RAB37: variants seen among roughly 807,000 people sequenced by gnomAD.
The protein encoded by RAB37 is RAB37, member RAS oncogene family, also known as ras-related protein Rab-37.
In RAB37, 29 loss-of-function variants were observed where a neutral mutation model predicts 33.1. The ratio of observed to expected loss-of-function variants is 0.88; its 90% confidence interval spans 0.65 to 1.20. The LOEUF is 1.20. RAB37 is among the 50% of genes most tolerant of loss of function. The pLI is 0.00. For synonymous variants in RAB37, 128 were observed against 119.5 expected (o/e 1.07, Z -0.47); for missense variants, 299 against 301.1 (o/e 0.99, Z 0.05).
chr17:74,675,243 T>C (rs992213002), intron 1 of RAB37, among the ~76,000 whole-genome samples: 7 of 152,094 alleles, frequency 4.6e-5, no homozygotes, highest in African/African-American at 1.7e-4. Flanking sequence ...GAGACCATCC[T>C]GGCCAACATG....
chr17:74,715,864 C>T (rs577447282), intron 1 of RAB37, among the ~76,000 whole-genome samples: 8 of 152,180 alleles, frequency 5.3e-5, no homozygotes, highest in African/African-American at 1.9e-4. Flanking sequence ...CCCATCTCTA[C>T]TAAAAAATAC....
intron 1 of RAB37, among the ~76,000 whole-genome samples, chr17:74,701,287 G>A (rs1219326749): frequency 2.6e-5 from 4 of 152,114 alleles, no homozygotes; most frequent in South Asian, 2.1e-4. Context: ...TAAGTACCTC[G>A]AGGGCAGGCA....
chr17:74,740,473 C>G (rs995858308), intron 1 of RAB37, among the ~76,000 whole-genome samples: 1 of 152,158 alleles, frequency 6.6e-6, no homozygotes, highest in African/African-American at 2.4e-5. Context: ...TGGTGGTTCT[C>G]TGGGGCCACA....
At chr17:74,683,669 T>C (rs1409861101) in intron 1 of RAB37, among the ~76,000 whole-genome samples, 2 of 152,230 alleles carry the variant, frequency 1.3e-5, no homozygotes, top group African/African-American at 2.4e-5. Flanking sequence ...TAAAAACCCC[T>C]GCAAGGTCTG....
At chr17:74,711,545 T>C (rs1235928507) in intron 1 of RAB37, among the ~76,000 whole-genome samples, 1 of 152,166 alleles carries the variant, frequency 6.6e-6, no homozygotes, top group African/African-American at 2.4e-5. Context: ...CAAGACCTTT[T>C]CTCCAATCTG....
At position 74,676,298 on chromosome 17, in the gene RAB37, C is replaced by A. The variant is rs553532252; in HGVS notation, c.72+4640C>A. Reference sequence around the variant, plus strand: ...CATACCAGACTAGCTTCCAGAGGGACGAACAATTCCTAGGACAAAGTCAGT... The same window carrying A: ...CATACCAGACTAGCTTCCAGAGGGAAGAACAATTCCTAGGACAAAGTCAGT... On this transcript the variant is annotated intron_variant, in intron 1 of 7. Transcript: ENST00000340415. The surrounding 1 kb of genome is among the most constrained non-coding windows in gnomAD (Gnocchi z 4.1). Among the ~76,000 whole-genome samples the A allele has an allele frequency of 6.6e-6, 1 of 151,998 alleles. No homozygotes were observed. Among genetic ancestry groups the A allele is most frequent in the Non-Finnish European group, 1.5e-5 (1 of 67,998 alleles).
chr17:74,712,718 C>A, intron 1 of RAB37: 1 of 1,157,680 alleles, frequency 8.6e-7, no homozygotes, highest in Non-Finnish European at 1.3e-6. Flanking sequence ...ACGCACAAGG[C>A]TCATGCCATT....
At chr17:74,735,018 G>GAAGGAAGGAAGGAAGGAAGGAAGA (rs1207905817), upstream of RAB37, among the ~76,000 whole-genome samples, 2 of 82,260 alleles carry the variant, frequency 2.4e-5, no homozygotes, top group African/African-American at 8.8e-5. Flanking sequence ...AGGAAGGAAG[G>GAAGGAAGGAAGGAAGGAAGGAAGA]AAGAAAGAAA....
upstream of RAB37, among the ~76,000 whole-genome samples, chr17:74,735,164 A>AAGGAAGGAAGGGAGGGAGGG (rs1443691995): frequency 2.7e-4 from 38 of 140,538 alleles, no homozygotes; most frequent in African/African-American, 7.9e-4. Flanking sequence ...AGAAGGAAAG[A>AAGGAAGGAAGGGAGGGAGGG]AGGAAGGAAG....
chr17:74,729,514 G>A lies in RAB37; in HGVS notation c.183+148G>A. On this transcript the variant is annotated intron_variant, in intron 2 of 7. Coordinates refer to the RAB37 transcript ENST00000340415. This position sits in a 1 kb window ranked among gnomAD's most constrained non-coding sequence, Gnocchi z 4.2. ...AGACTGTTCCCCAAGGTGTAGGAGGGTGTTGGGTGACCAGGAGGGAGGGTA... is the reference window on the plus strand; with the variant it reads ...AGACTGTTCCCCAAGGTGTAGGAGGATGTTGGGTGACCAGGAGGGAGGGTA... The A allele has an allele frequency of 1.5e-6, 1 of 675,686 alleles. No individual in the cohort carries two copies. Among genetic ancestry groups the A allele is most frequent in the Non-Finnish European group, 2.7e-6 (1 of 370,374 alleles). 41.9% of individuals were successfully genotyped at this position (675,686 alleles called of 1,614,324 possible). A position where few individuals can be genotyped will look rare whatever the true frequency, so the allele number is the denominator to read the frequency against.
chr17:74,683,865 C>T (rs574420552), intron 1 of RAB37, among the ~76,000 whole-genome samples: 1 of 152,072 alleles, frequency 6.6e-6, no homozygotes, highest in Admixed American at 6.5e-5. Flanking sequence ...GTGGTTGCGT[C>T]CCCAGGACAG....
chr17:74,736,150 T>C (rs1358156452), upstream of RAB37, among the ~76,000 whole-genome samples: 1 of 151,672 alleles, frequency 6.6e-6, no homozygotes, highest in Admixed American at 6.6e-5. Flanking sequence ...GAAGCAAAGG[T>C]TGCAGTGAGG....
chr17:74,717,757 C>T (rs1449471739), intron 1 of RAB37, among the ~76,000 whole-genome samples: 1 of 146,078 alleles, frequency 6.8e-6, no homozygotes, highest in Non-Finnish European at 1.5e-5. Context: ...TGTGGTGAGC[C>T]AAGATCGTAC....
chr17:74,689,146 AAATT>A (rs2032112458), intron 1 of RAB37, among the ~76,000 whole-genome samples: 1 of 152,130 alleles, frequency 6.6e-6, no homozygotes, highest in Non-Finnish European at 1.5e-5. Flanking sequence ...TAAAAATACA[AAATT>A]AACCAGGTGT....
intron 1 of RAB37, among the ~76,000 whole-genome samples, chr17:74,718,805 G>C (rs1352092431): frequency 6.6e-6 from 1 of 152,186 alleles, no homozygotes; most frequent in African/African-American, 2.4e-5. Context: ...TTAAATATAT[G>C]TGTGTGTATC....
rs2031710118 is a variant in RAB37 at position 74,671,698 on chromosome 17, G to T, written c.72+40G>T. ...TATTCCTCAACCTAACGTTGGAAGA[G>T]GCGCCAGCACCAGGAGTTTTCTCCA... On this transcript the variant is annotated intron_variant, in intron 1 of 7. Coordinates refer to the RAB37 transcript ENST00000340415. This position sits in a 1 kb window ranked among gnomAD's most constrained non-coding sequence, Gnocchi z 5.0. 1 of 1,588,806 alleles carries T rather than the reference G, an allele frequency of 6.3e-7. No homozygotes were observed. Among genetic ancestry groups the T allele is most frequent in the East Asian group, 2.2e-5 (1 of 44,766 alleles).
Position 74,742,446 on chromosome 17 carries a change from C to T in RAB37, c.246+151C>T. The T allele has an allele frequency of 3.2e-6, 2 of 625,694 alleles. No individual in the cohort carries two copies. The highest frequency in any genetic ancestry group is 5.6e-6 in the Non-Finnish European group (2 of 355,124). The allele number at this position is 625,694 out of a possible 1,614,324, so 38.8% of individuals were successfully genotyped here. A position where few individuals can be genotyped will look rare whatever the true frequency, so the allele number is the denominator to read the frequency against. On this transcript the variant is annotated intron_variant, in intron 3 of 8. Transcript: ENST00000392613. The surrounding 1 kb of genome is among the most constrained non-coding windows in gnomAD (Gnocchi z 4.0). Reference sequence around the variant, plus strand: ...GAAATGGCTTTTGTTTATTTGACATCTGCAGAAAAAGCAGTTCCCAGGCAC... The same window carrying T: ...GAAATGGCTTTTGTTTATTTGACATTTGCAGAAAAAGCAGTTCCCAGGCAC...
In RAB37 at chr17:74,745,376, CAGA is replaced by C. The variant is rs1458809401; in HGVS notation, c.643_645del (p.Lys215del). ...CCAGATCCGAGACTATGTAGAGTCC[CAGA>C]AGAAGCGCTCCAGCTGCTGCTCCTT... is the stretch of plus-strand genomic sequence containing the variant. On this transcript the variant is annotated inframe_deletion, in exon 9 of 9. Transcript: ENST00000392613. The surrounding 1 kb of genome is among the most constrained non-coding windows in gnomAD (Gnocchi z 4.5). 1.2e-6 allele frequency: 2 copies of C among 1,614,016 alleles called. No individual in the cohort carries two copies. The highest frequency in any genetic ancestry group is 1.7e-6 in the Non-Finnish European group (2 of 1,180,020).
At chr17:74,677,524 T>C (rs2143464364) in intron 1 of RAB37, 1 of 152,348 alleles carries the variant, frequency 6.6e-6, no homozygotes, top group Middle Eastern at 3.4e-3. Context: ...GCGCACTAGT[T>C]CCAATTCTCA....
Sources: gnomAD v4.1 joint callset for allele counts (sites outside exome capture counted in the v4.1 genomes callset) on GRCh38, gnomAD v4.1.1 for gene constraint, Gnocchi (gnomAD v3.1) non-coding constraint, MANE v1.5 for transcripts, NCBI Gene and HGNC (gene_info 2026-07-23, HGNC 2026-07-21) for gene names.